CSMD3: variants seen among roughly 807,000 people sequenced by gnomAD.
CSMD3 encodes the protein CUB and Sushi multiple domains 3.
CSMD3 carries 177 observed loss-of-function variants against 435.2 expected under a neutral mutation model. That is an observed-to-expected ratio of 0.41 (90% CI 0.36 to 0.46). CSMD3 has a LOEUF of 0.46. CSMD3 is among the 20% of genes least tolerant of loss of function. The probability of loss-of-function intolerance (pLI) is 0.34; values close to 1 mark genes in which losing one functional copy is unlikely to be tolerated. For missense variants in CSMD3, 4,265 were observed against 4,504.6 expected (o/e 0.95, Z 1.52); for synonymous variants, 1,656 against 1,520.5 (o/e 1.09, Z -2.07).
intron 32 of CSMD3, among the ~76,000 whole-genome samples, chr8:112,414,586 G>T (rs1811706809): frequency 6.6e-6 from 1 of 152,186 alleles, no homozygotes; most frequent in Non-Finnish European, 1.5e-5. Context: ...TTGGTACCAG[G>T]AGTGGGGTGC....
chr8:112,680,245 C>T (rs932112427), intron 16 of CSMD3, among the ~76,000 whole-genome samples: 30 of 152,164 alleles, frequency 2.0e-4, no homozygotes, highest in South Asian at 4.1e-4. Context: ...ATAGTCCCAG[C>T]TACTCAGGAG....
chr8:112,293,360 G>T (rs980933588), intron 54 of CSMD3, among the ~76,000 whole-genome samples: 3 of 151,992 alleles, frequency 2.0e-5, no homozygotes, highest in African/African-American at 7.3e-5. Context: ...AATAATTGAG[G>T]ATATTTAAAG....
intron 10 of CSMD3, among the ~76,000 whole-genome samples, chr8:112,894,044 T>C (rs1186613405): frequency 2.0e-5 from 3 of 151,510 alleles, no homozygotes; most frequent in African/African-American, 7.3e-5. Flanking sequence ...GTCTAAATCC[T>C]AAAAACCAAA....
At chr8:112,883,164 C>T (rs772324662) in intron 10 of CSMD3, among the ~76,000 whole-genome samples, 2 of 151,782 alleles carry the variant, frequency 1.3e-5, no homozygotes, top group East Asian at 2.0e-4. Flanking sequence ...AAGTTTTGCC[C>T]GATCTTCCAA....
intron 32 of CSMD3, among the ~76,000 whole-genome samples, chr8:112,453,106 A>C (rs888362219): frequency 6.6e-6 from 1 of 152,160 alleles, no homozygotes; most frequent in East Asian, 1.9e-4. Context: ...TGAACAAGTA[A>C]CTTTATCAAA....
At chr8:113,403,831 A>G (rs1047553422) in intron 1 of CSMD3, among the ~76,000 whole-genome samples, 1 of 151,430 alleles carries the variant, frequency 6.6e-6, no homozygotes, top group Non-Finnish European at 1.5e-5. Flanking sequence ...ATAGAATCAC[A>G]TTGGCTTCGA....
At chr8:112,962,976 A>G (rs2084287022) in intron 7 of CSMD3, among the ~76,000 whole-genome samples, 1 of 152,024 alleles carries the variant, frequency 6.6e-6, no homozygotes, top group Non-Finnish European at 1.5e-5. Context: ...CAGTTTAACA[A>G]GATCCCCAGG....
At chr8:112,814,116 T>C (rs1016249797) in intron 12 of CSMD3, among the ~76,000 whole-genome samples, 9 of 152,162 alleles carry the variant, frequency 5.9e-5, no homozygotes, top group African/African-American at 2.2e-4. Flanking sequence ...GAAGTTTATA[T>C]ATCATCTTGA....
chr8:112,449,711 T>C (rs1431638160), intron 32 of CSMD3, among the ~76,000 whole-genome samples: 1 of 152,214 alleles, frequency 6.6e-6, no homozygotes, highest in Non-Finnish European at 1.5e-5. Context: ...TCGGTCATCA[T>C]TGTTTTGTTC....
intron 9 of CSMD3, among the ~76,000 whole-genome samples, chr8:112,937,553 G>A (rs139118775): frequency 0.034 from 5,124 of 151,926 alleles, 145 homozygotes; most frequent in Middle Eastern, 0.051. Context: ...GATTCGCCAT[G>A]TTGGCCAGAC....
intron 22 of CSMD3, among the ~76,000 whole-genome samples, chr8:112,600,006 A>C: frequency 6.6e-6 from 1 of 151,076 alleles, no homozygotes; most frequent in Non-Finnish European, 1.5e-5. Context: ...GTACCCTAAA[A>C]CTTAAAGTAT....
Position 112,550,750 on chromosome 8 carries a change from A to G in CSMD3, c.4485T>C (p.His1495=). ...ISGSLIPEGI[H]STLNIVTIQF... ...GGATGGTTACTATATTGAGGGTGCTATGAATTCCTTCAGGAATAAGAGATC... is the reference window on the plus strand; with the variant it reads ...GGATGGTTACTATATTGAGGGTGCTGTGAATTCCTTCAGGAATAAGAGATC... Residue 1495 remains histidine, a synonymous_variant, in exon 27 of 71, where the codon CAT becomes CAC. Transcript: ENST00000297405. The G allele has an allele frequency of 1.2e-6, 2 of 1,604,464 alleles. No individual in the cohort carries two copies. Among genetic ancestry groups the G allele is most frequent in the South Asian group, 1.1e-5 (1 of 90,894 alleles).
intron 1 of CSMD3, among the ~76,000 whole-genome samples, chr8:113,330,220 T>A (rs2094017133): frequency 6.6e-6 from 1 of 152,016 alleles, no homozygotes; most frequent in Admixed American, 6.5e-5. Context: ...TTCTGTCTGT[T>A]TTGGAAATTA....
intron 8 of CSMD3, among the ~76,000 whole-genome samples, chr8:112,949,429 C>T (rs1046592508): frequency 6.6e-5 from 10 of 151,972 alleles, no homozygotes; most frequent in Non-Finnish European, 1.2e-4. Context: ...GCCACTCTTA[C>T]TTTTGCCGAT....
At chr8:112,441,695 G>A (rs1341710216) in intron 32 of CSMD3, among the ~76,000 whole-genome samples, 1 of 152,124 alleles carries the variant, frequency 6.6e-6, no homozygotes, top group Non-Finnish European at 1.5e-5. Context: ...TTCTTCACAA[G>A]ATAGTAAGAA....
chr8:112,717,873 G>T (rs2076767781), intron 13 of CSMD3, among the ~76,000 whole-genome samples: 1 of 152,028 alleles, frequency 6.6e-6, no homozygotes, highest in Admixed American at 6.6e-5. Context: ...GAGAACACAT[G>T]GACACAGGGA....
chr8:112,344,404 A>G (rs554626214), intron 41 of CSMD3, among the ~76,000 whole-genome samples: 1 of 152,300 alleles, frequency 6.6e-6, no homozygotes, highest in East Asian at 1.9e-4. Flanking sequence ...AGCACTTAGC[A>G]GTATCTGGAG....
intron 13 of CSMD3, among the ~76,000 whole-genome samples, chr8:112,728,617 T>TCCTC (rs1301580742): frequency 6.6e-6 from 1 of 151,896 alleles, no homozygotes; most frequent in Non-Finnish European, 1.5e-5. Context: ...CTTCTTCTCC[T>TCCTC]CCTCCCATAA....
intron 13 of CSMD3, among the ~76,000 whole-genome samples, chr8:112,752,900 CGT>C (rs10617885): frequency 0.21 from 30,485 of 146,318 alleles, 3,420 homozygotes; most frequent in Middle Eastern, 0.35. Flanking sequence ...TTTGTTACCG[CGT>C]GTGTGTGTGT....
Sources: allele counts gnomAD v4.1 joint callset (sites outside exome capture counted in the v4.1 genomes callset), GRCh38; gene constraint gnomAD v4.1.1; transcripts MANE v1.5; gene names NCBI Gene and HGNC (gene_info 2026-07-23, HGNC 2026-07-21).